The following EPB41L5 variants were observed in gnomAD, a reference collection of about 807,000 sequenced individuals.
EPB41L5 encodes the protein band 4.1-like protein 5.
In EPB41L5, 55 loss-of-function variants were observed where a neutral mutation model predicts 106.6. The ratio of observed to expected loss-of-function variants is 0.52; its 90% CI spans 0.42 to 0.65. The LOEUF (loss-of-function observed/expected upper bound fraction) is 0.65, where lower values mean the gene tolerates loss of function less well. Among genes scored for constraint, EPB41L5 ranks in the 30% least tolerant of loss-of-function variants. EPB41L5 has a pLI of 0.00. For missense variants in EPB41L5, 871 were observed against 882.1 expected (o/e 0.99, Z 0.16); for synonymous variants, 297 against 306.7 (o/e 0.97, Z 0.33).
At position 120,177,432 on chromosome 2, in the gene EPB41L5, C is replaced by G. The variant is rs1321996869; in HGVS notation, c.*2525C>G. ...TGGCGGGGAGCAGATAGTGCTGCCT[C>G]CCTGCGGGCAGACAGGAGAGGAACC... On this transcript the variant is annotated 3_prime_UTR_variant, in exon 25 of 25. Coordinates refer to ENST00000263713, the MANE Select transcript of EPB41L5 (RefSeq NM_020909.4). The G allele has an allele frequency of 6.6e-6, 1 of 152,250 alleles. No individual in the cohort carries two copies. Among genetic ancestry groups the G allele is most frequent in the Non-Finnish European group, 1.5e-5 (1 of 68,076 alleles). 9.4% of individuals were successfully genotyped at this position (152,250 alleles called of 1,614,324 possible).
chr2:120,057,726 A>G (rs1680756329), intron 3 of EPB41L5, among the ~76,000 whole-genome samples: 1 of 132,446 alleles, frequency 7.6e-6, no homozygotes, highest in South Asian at 2.5e-4. Flanking sequence ...TTCTTTCTTG[A>G]TGAAGGCTTA....
intron 22 of EPB41L5, 105 bp downstream of exon 22, chr2:120,165,015 A>G: frequency 2.5e-6 from 2 of 810,390 alleles, no homozygotes; most frequent in Non-Finnish European, 3.9e-6. Flanking sequence ...TAAACTTTTC[A>G]TTTGATAAGA....
At chr2:120,030,133 G>A (rs973442312) in intron 2 of EPB41L5, among the ~76,000 whole-genome samples, 2 of 152,134 alleles carry the variant, frequency 1.3e-5, no homozygotes, top group Non-Finnish European at 1.5e-5. Flanking sequence ...AACTAACTTC[G>A]GGAAGGAATT....
chr2:120,087,039 T>C (rs1442430640), intron 10 of EPB41L5, 132 bp from the exon 11 acceptor site: 1 of 565,562 alleles, frequency 1.8e-6, no homozygotes, highest in Middle Eastern at 4.7e-4. Context: ...GCATTGCAAG[T>C]TACGTTTACC....
At chr2:120,119,448 G>T (rs1331805167) in intron 16 of EPB41L5, among the ~76,000 whole-genome samples, 1 of 152,006 alleles carries the variant, frequency 6.6e-6, no homozygotes, top group Non-Finnish European at 1.5e-5. Flanking sequence ...GTCGTGAATG[G>T]TATTGCCTTG....
intron 18 of EPB41L5, among the ~76,000 whole-genome samples, chr2:120,135,188 A>C (rs1045689817): frequency 6.6e-6 from 1 of 152,146 alleles, no homozygotes; most frequent in Non-Finnish European, 1.5e-5. Flanking sequence ...AGAGTCTTTC[A>C]ACCACAGAAT....
intron 2 of EPB41L5, among the ~76,000 whole-genome samples, chr2:120,039,124 T>G (rs1679229818): frequency 2.0e-5 from 3 of 152,066 alleles, no homozygotes; most frequent in Admixed American, 6.6e-5. Flanking sequence ...ATAGGCAGAT[T>G]CATAGAGACA....
chr2:120,128,971 T>G (rs1685573925), intron 17 of EPB41L5, among the ~76,000 whole-genome samples: 1 of 152,090 alleles, frequency 6.6e-6, no homozygotes, highest in Admixed American at 6.5e-5. Flanking sequence ...TTGTTCTCAC[T>G]TATATGTGGG....
intron 20 of EPB41L5, among the ~76,000 whole-genome samples, chr2:120,147,597 C>T (rs946144290): frequency 2.3e-5 from 3 of 128,088 alleles, no homozygotes; most frequent in East Asian, 4.5e-4. Context: ...TGCACTCCAG[C>T]GTGGGCAACA....
At chr2:120,028,970 A>G (rs1678522751) in intron 2 of EPB41L5, among the ~76,000 whole-genome samples, 1 of 152,172 alleles carries the variant, frequency 6.6e-6, no homozygotes, top group Non-Finnish European at 1.5e-5. Flanking sequence ...GACCTCTTAC[A>G]GTCCCTTGCA....
At position 120,148,386 on chromosome 2, in the gene EPB41L5, C is replaced by T. The variant is rs529356963; in HGVS notation, c.1793+2097C>T. ...ACTCACTATAATACTCATCCTAGTT[C>T]TCATATATACTCATCCTCATTCTAC... On this transcript the variant is annotated intron_variant, in intron 20 of 24. Transcript: ENST00000263713. Among the ~76,000 whole-genome samples the T allele has an allele frequency of 4.6e-5, 7 of 151,968 alleles. No homozygotes were observed. The East Asian group carries it at 1.4e-3, about 30-fold the overall frequency.
At chr2:120,169,110 G>GTAAT (rs985175458) in intron 24 of EPB41L5, among the ~76,000 whole-genome samples, 4 of 152,006 alleles carry the variant, frequency 2.6e-5, no homozygotes, top group Admixed American at 2.6e-4. Flanking sequence ...ATGGAAAGGA[G>GTAAT]TAATAAAGGG....
chr2:120,145,564 G>A lies in EPB41L5; in HGVS notation c.1729-661G>A, dbSNP rs540722319. On this transcript the variant is annotated intron_variant, in intron 19 of 24. Coordinates refer to ENST00000263713, the MANE Select transcript of EPB41L5 (RefSeq NM_020909.4). Reference sequence around the variant, plus strand: ...AAGGGAATATTGAGGCGGGGAGTGGGGGAGATAGTAGAAATGTTACATGAT... The same window carrying A: ...AAGGGAATATTGAGGCGGGGAGTGGAGGAGATAGTAGAAATGTTACATGAT... Among the ~76,000 whole-genome samples, 15 of 152,256 alleles carry A rather than the reference G, an allele frequency of 9.9e-5. No individual in the cohort carries two copies. The South Asian group carries it at 1.9e-3, about 19-fold the overall frequency.
At chr2:120,014,839 C>T (rs1574452528) in intron 1 of EPB41L5, among the ~76,000 whole-genome samples, 2 of 151,988 alleles carry the variant, frequency 1.3e-5, no homozygotes, top group East Asian at 1.9e-4. Flanking sequence ...GGACCAGGGC[C>T]ATTAAAGATT....
chr2:120,106,667 A>T (rs1254172864), intron 16 of EPB41L5: 1 of 985,022 alleles, frequency 1.0e-6, no homozygotes, highest in Non-Finnish European at 1.2e-6. Context: ...TAACATCTTG[A>T]ATTAGGTTGG....
At chr2:120,163,589 TG>T (rs1429928092) in intron 21 of EPB41L5, among the ~76,000 whole-genome samples, 10 of 100,738 alleles carry the variant, frequency 9.9e-5, no homozygotes, top group South Asian at 6.5e-4. Context: ...AACCTGTTAC[TG>T]GTTTTTTTTT....
intron 18 of EPB41L5, among the ~76,000 whole-genome samples, chr2:120,132,930 C>T (rs1415806479): frequency 1.3e-5 from 2 of 152,100 alleles, no homozygotes; most frequent in African/African-American, 4.8e-5. Context: ...ATCTATTGAA[C>T]AGCTACTTGT....
intron 1 of EPB41L5, among the ~76,000 whole-genome samples, chr2:120,017,963 A>ATTTT (rs34151177): frequency 7.6e-6 from 1 of 131,070 alleles, no homozygotes; most frequent in Admixed American, 7.8e-5. Context: ...CACCCGGCCA[A>ATTTT]TTTTTTTTTT....
At chr2:120,091,516 G>A (rs774764096) in intron 12 of EPB41L5, 39 bp from the exon 13 acceptor site, 18 of 1,425,398 alleles carry the variant, frequency 1.3e-5, no homozygotes, top group Non-Finnish European at 1.8e-5. Flanking sequence ...TATTACTGTA[G>A]ACCTAAAATT....
Sources: gnomAD v4.1 joint callset for allele counts (sites outside exome capture counted in the v4.1 genomes callset) on GRCh38, gnomAD v4.1.1 for gene constraint, MANE v1.5 for transcripts, NCBI Gene and HGNC (gene_info 2026-07-23, HGNC 2026-07-21) for gene names.